Variants in ZNF277 observed in about 807,000 individuals in gnomAD.
ZNF277 encodes the protein zinc finger protein 277.
Under a neutral mutation model 60.7 loss-of-function variants are expected in ZNF277, and 55 were observed. That is an observed-to-expected ratio of 0.91 (90% CI 0.73 to 1.13). ZNF277 has a LOEUF of 1.13. Ranked by LOEUF, ZNF277 falls within the 50% of genes most tolerant of loss-of-function variation. ZNF277 has a pLI of 0.00. For missense variants in ZNF277, 510 were observed against 523.0 expected (o/e 0.98, Z 0.24); for synonymous variants, 178 against 179.3 (o/e 0.99, Z 0.06).
intron 1 of ZNF277, among the ~76,000 whole-genome samples, chr7:112,246,187 C>A (rs549294003): frequency 1.2e-4 from 18 of 151,992 alleles, no homozygotes; most frequent in African/African-American, 4.3e-4. Context: ...AGTTTGAGAC[C>A]AGCCCGGGCA....
At chr7:112,268,089 C>A (rs892114994) in intron 1 of ZNF277, among the ~76,000 whole-genome samples, 2 of 152,014 alleles carry the variant, frequency 1.3e-5, no homozygotes, top group Admixed American at 6.6e-5. Context: ...AAATCAAATC[C>A]ATCAGGAAAA....
intron 1 of ZNF277, among the ~76,000 whole-genome samples, chr7:112,224,375 G>A (rs1014832436): frequency 6.6e-6 from 1 of 152,232 alleles, no homozygotes; most frequent in African/African-American, 2.4e-5. Flanking sequence ...GCCGCCCTGG[G>A]CTGTGTGTGG....
chr7:112,238,361 A>T (rs1186877085), intron 1 of ZNF277, among the ~76,000 whole-genome samples: 1 of 152,216 alleles, frequency 6.6e-6, no homozygotes, highest in Non-Finnish European at 1.5e-5. Flanking sequence ...CATTTAGACC[A>T]GCCCTATAGC....
chr7:112,273,607 T>C (rs1791729459), intron 1 of ZNF277, among the ~76,000 whole-genome samples: 1 of 152,226 alleles, frequency 6.6e-6, no homozygotes, highest in Admixed American at 6.5e-5. Flanking sequence ...GCCAGGAAGA[T>C]TACCGGTCAA....
rs756921953 is a variant in ZNF277 at position 112,296,268 on chromosome 7, CAGAAGATAGAATTCTTAG to C, written c.429_446del (p.Asp143_Glu148del). 2 of 1,592,810 alleles carry C rather than the reference CAGAAGATAGAATTCTTAG, an allele frequency of 1.3e-6. No homozygotes were observed. The highest frequency in any genetic ancestry group is 2.7e-5 in the African/African-American group (2 of 74,000). On this transcript the variant is annotated inframe_deletion, in exon 4 of 12. Coordinates refer to ENST00000361822, the MANE Select transcript of ZNF277 (RefSeq NM_021994.3). ...TATTTTTTGTTATGTGACGTTTTAC[CAGAAGATAGAATTCTTAG>C]AGAAGAGCTTCAGAAACAGAGACTG... is the stretch of plus-strand genomic sequence containing the variant.
chr7:112,342,472 G>A lies in ZNF277; in HGVS notation c.1185-89G>A, dbSNP rs1037602105. On this transcript the variant is annotated intron_variant, in intron 11 of 11. Coordinates refer to ENST00000361822, the MANE Select transcript of ZNF277 (RefSeq NM_021994.3). ...TATGAAATTGTTGGCAAGGATACCT[G>A]ACAAAATTATAGTAAATGTGTACAT... The A allele has an allele frequency of 5.3e-5, 63 of 1,191,742 alleles. No individual in the cohort carries two copies. The South Asian group carries it at 9.0e-4, about 17-fold the overall frequency. 73.8% of individuals were successfully genotyped at this position (1,191,742 alleles called of 1,614,324 possible).
rs747194676 is a variant in ZNF277 at position 112,343,364 on chromosome 7, C to G, written c.*635C>G. Among the ~76,000 whole-genome samples the G allele has an allele frequency of 6.6e-6, 1 of 152,032 alleles. No individual in the cohort carries two copies. On this transcript the variant is annotated 3_prime_UTR_variant, in exon 12 of 12. Transcript: ENST00000361822. ...AGCCAGTTAACTTCACTTTTCCCTG[C>G]AATTTGTATGTCACTAACATTTAAA...
chr7:112,275,557 T>C (rs927615563), intron 1 of ZNF277, among the ~76,000 whole-genome samples: 4 of 152,180 alleles, frequency 2.6e-5, no homozygotes, highest in South Asian at 4.1e-4. Context: ...TTAAAGCGTA[T>C]TTTTTAACAC....
At chr7:112,311,328 T>C (rs1166172772) in intron 4 of ZNF277, among the ~76,000 whole-genome samples, 1 of 152,130 alleles carries the variant, frequency 6.6e-6, no homozygotes, top group East Asian at 1.9e-4. Flanking sequence ...TTATTATGAC[T>C]CTGCCTAACA....
In ZNF277 at chr7:112,287,027, G is replaced by A; in HGVS notation, c.246G>A (p.Glu82=). The A allele has an allele frequency of 6.2e-7, 1 of 1,613,992 alleles. No individual in the cohort carries two copies. Among genetic ancestry groups the A allele is most frequent in the South Asian group, 1.1e-5 (1 of 91,064 alleles). The change falls in exon 2 of 12, where the codon GAG becomes GAA. Residue 82 remains glutamate, a synonymous_variant. Transcript: ENST00000361822. The part of the protein sequence containing the change: ...QDKLLKHMII[E]HKIVIADVKL... ...AACTTCTGAAGCACATGATTATTGA[G>A]CATAAGATTGTCATAGCTGATGTCA... is the stretch of plus-strand genomic sequence containing the variant.
intron 1 of ZNF277, among the ~76,000 whole-genome samples, chr7:112,250,787 C>G (rs552033300): frequency 1.3e-5 from 2 of 152,190 alleles, no homozygotes; most frequent in Admixed American, 1.3e-4. Context: ...CCTCCCCAAC[C>G]CTCCCAAGTG....
intron 1 of ZNF277, among the ~76,000 whole-genome samples, chr7:112,252,566 A>G (rs991566604): frequency 2.6e-5 from 4 of 152,152 alleles, no homozygotes; most frequent in Admixed American, 2.6e-4. Flanking sequence ...ACTTTGCCCA[A>G]TTCCTGAAAA....
rs760117570 is a variant in ZNF277, at chr7:112,337,846, T to C, written c.966+20T>C. 19 of 1,594,260 alleles carry C rather than the reference T, an allele frequency of 1.2e-5. 1 individual carries two copies. The Admixed American group carries it at 2.2e-4, about 18-fold the overall frequency. ...ATGGAGGTAAGATACCTGTATTTATTTGAATTTTGTTTTATTCTGACAGGG... is the reference window on the plus strand; with the variant it reads ...ATGGAGGTAAGATACCTGTATTTATCTGAATTTTGTTTTATTCTGACAGGG... On this transcript the variant is annotated intron_variant, in intron 9 of 11. Transcript: ENST00000361822.
chr7:112,296,679 C>A (rs1010243442), intron 4 of ZNF277, among the ~76,000 whole-genome samples: 1 of 151,226 alleles, frequency 6.6e-6, no homozygotes, highest in Non-Finnish European at 1.5e-5. Flanking sequence ...TTTTTTTCTC[C>A]CCTTTACTGG....
At chr7:112,223,508 C>T (rs1822090268) in intron 1 of ZNF277, among the ~76,000 whole-genome samples, 1 of 152,214 alleles carries the variant, frequency 6.6e-6, no homozygotes, top group Non-Finnish European at 1.5e-5. Flanking sequence ...CCAAATGGGG[C>T]TGTAGCCAAG....
At chr7:112,241,273 T>G (rs1481001038) in intron 1 of ZNF277, among the ~76,000 whole-genome samples, 1 of 152,114 alleles carries the variant, frequency 6.6e-6, no homozygotes, top group Non-Finnish European at 1.5e-5. Flanking sequence ...TCAACATAAC[T>G]GATCATCAGA....
chr7:112,243,611 T>G (rs1405516600), intron 1 of ZNF277, among the ~76,000 whole-genome samples: 1 of 151,892 alleles, frequency 6.6e-6, no homozygotes, highest in Non-Finnish European at 1.5e-5. Context: ...ATGTGAAGAT[T>G]AAAACCAAAA....
intron 1 of ZNF277, among the ~76,000 whole-genome samples, chr7:112,228,932 TCA>T (rs1486481353): frequency 6.6e-6 from 1 of 152,188 alleles, no homozygotes; most frequent in Non-Finnish European, 1.5e-5. Flanking sequence ...TAATCTTACC[TCA>T]CAGAGTTTTG....
At chr7:112,239,775 A>G (rs1790899383) in intron 1 of ZNF277, among the ~76,000 whole-genome samples, 1 of 152,254 alleles carries the variant, frequency 6.6e-6, no homozygotes, top group Non-Finnish European at 1.5e-5. Flanking sequence ...ACAAGTACAG[A>G]ATAGTATAAA....
Sources: allele counts gnomAD v4.1 joint callset (sites outside exome capture counted in the v4.1 genomes callset), GRCh38; gene constraint gnomAD v4.1.1; transcripts MANE v1.5; gene names NCBI Gene and HGNC (gene_info 2026-07-23, HGNC 2026-07-21).